The following COL5A2 variants were observed in gnomAD, a reference collection of about 807,000 sequenced individuals.
The protein encoded by COL5A2 is collagen alpha-2(V) chain.
Under a neutral mutation model 208.2 loss-of-function variants are expected in COL5A2, and 23 were observed. The observed-to-expected ratio is 0.11, with a 90% CI of 0.08 to 0.16. The LOEUF is 0.16. Ranked by LOEUF, COL5A2 falls within the 10% of genes least tolerant of loss-of-function variation. COL5A2 has a pLI of 1.00. For missense variants in COL5A2, 1,590 were observed against 1,956.4 expected (o/e 0.81, Z 3.53); for synonymous variants, 625 against 628.5 (o/e 0.99, Z 0.08).
At chr2:189,170,758 G>A (rs1334481788) in intron 1 of COL5A2, among the ~76,000 whole-genome samples, 1 of 151,902 alleles carries the variant, frequency 6.6e-6, no homozygotes, top group Non-Finnish European at 1.5e-5. Flanking sequence ...AAAAAAAAAA[G>A]TCACACAGAA....
chr2:189,262,356 T>A, the COL5A2 span, among the ~76,000 whole-genome samples: 1 of 151,762 alleles, frequency 6.6e-6, no homozygotes, highest in Non-Finnish European at 1.5e-5. Flanking sequence ...CACAGACAGA[T>A]ACACACACAT....
At chr2:189,082,625 T>C (rs1389861684) in intron 12 of COL5A2, among the ~76,000 whole-genome samples, 2 of 152,220 alleles carry the variant, frequency 1.3e-5, no homozygotes, top group Non-Finnish European at 2.9e-5. Context: ...ATATCCCTAA[T>C]GTAACAAGAA....
rs1432312580 is a variant in COL5A2, at chr2:189,064,670, A to G, written c.1618-15T>C. The G allele has an allele frequency of 1.3e-6, 2 of 1,547,552 alleles. No individual in the cohort carries two copies. The highest frequency in any genetic ancestry group is 8.9e-7 in the Non-Finnish European group (1 of 1,119,546). On this transcript the variant is annotated splice_polypyrimidine_tract_variant and intron_variant, in intron 24 of 53. Coordinates refer to ENST00000374866, the MANE Select transcript of COL5A2 (RefSeq NM_000393.5). ...CCTTGAGCACCCTGTACCGAGGCAAAGCAGATGCATGAAGAAAAAGAGTAT... is the reference window on the plus strand; with the variant it reads ...CCTTGAGCACCCTGTACCGAGGCAAGGCAGATGCATGAAGAAAAAGAGTAT...
the COL5A2 span, among the ~76,000 whole-genome samples, chr2:189,348,834 A>G: frequency 1.3e-5 from 2 of 152,162 alleles, no homozygotes; most frequent in Non-Finnish European, 2.9e-5. Context: ...ACAGATATCA[A>G]TTCACAAACA....
intron 45 of COL5A2, among the ~76,000 whole-genome samples, chr2:189,047,391 C>T (rs1317850026): frequency 6.6e-6 from 1 of 152,160 alleles, no homozygotes; most frequent in Admixed American, 6.5e-5. Context: ...CCCAAGCTTC[C>T]TCCAAATCCT....
intron 13 of COL5A2, among the ~76,000 whole-genome samples, chr2:189,080,435 C>A (rs1235644203): frequency 6.6e-6 from 1 of 152,068 alleles, no homozygotes; most frequent in Non-Finnish European, 1.5e-5. Flanking sequence ...TAATCAAAAT[C>A]TCAACTACTC....
At chr2:189,272,432 G>T in the COL5A2 span, among the ~76,000 whole-genome samples, 2 of 152,016 alleles carry the variant, frequency 1.3e-5, no homozygotes, top group East Asian at 3.9e-4. Flanking sequence ...AACACCACAT[G>T]TTCTTACTCA....
At chr2:189,099,981 C>A in intron 4 of COL5A2, 126 bp downstream of exon 4, 2 of 793,526 alleles carry the variant, frequency 2.5e-6, no homozygotes, top group South Asian at 3.3e-5. Flanking sequence ...TTGTGTTATA[C>A]TAAAAACTTG....
the COL5A2 span, among the ~76,000 whole-genome samples, chr2:189,239,453 G>C: frequency 6.6e-6 from 1 of 151,896 alleles, no homozygotes; most frequent in African/African-American, 2.4e-5. Context: ...GTGAGGGAAG[G>C]GGACATGGTA....
chr2:189,293,110 G>C, the COL5A2 span, among the ~76,000 whole-genome samples: 205 of 151,980 alleles, frequency 1.3e-3, no homozygotes, highest in Middle Eastern at 3.4e-3. Context: ...GTTGTGGGGT[G>C]GGGGGAGTGG....
intron 1 of COL5A2, among the ~76,000 whole-genome samples, chr2:189,221,623 T>C (rs1689348596): frequency 6.6e-6 from 1 of 152,102 alleles, no homozygotes; most frequent in African/African-American, 2.4e-5. Context: ...TATTATAAGA[T>C]AAGAAATGTG....
chr2:189,226,911 G>A (rs779245919), upstream of COL5A2, among the ~76,000 whole-genome samples: 4 of 152,168 alleles, frequency 2.6e-5, no homozygotes, highest in Admixed American at 6.6e-5. Flanking sequence ...TTGCTGCTCA[G>A]ATAGGATGGT....
chr2:189,277,444 T>C, the COL5A2 span, among the ~76,000 whole-genome samples: 11 of 152,168 alleles, frequency 7.2e-5, no homozygotes, highest in East Asian at 2.1e-3. Flanking sequence ...ACCTGCGAGT[T>C]CGGGTCAATC....
chr2:189,140,422 G>A (rs950874174), intron 1 of COL5A2, among the ~76,000 whole-genome samples: 1 of 151,968 alleles, frequency 6.6e-6, no homozygotes, highest in East Asian at 1.9e-4. Context: ...TTTTAAACCT[G>A]GAGGCACATT....
At chr2:189,035,274 T>C (rs1037452464) in intron 52 of COL5A2, 119 bp from the exon 53 acceptor site, 37 of 1,318,490 alleles carry the variant, frequency 2.8e-5, no homozygotes, top group Non-Finnish European at 3.7e-5. Flanking sequence ...AGTATTACTT[T>C]AATTCTTGTC....
chr2:189,103,101 T>A (rs969016700), intron 3 of COL5A2, among the ~76,000 whole-genome samples: 2 of 148,624 alleles, frequency 1.3e-5, no homozygotes, highest in South Asian at 4.4e-4. Context: ...CATAGATTGG[T>A]CTGTCTCTCT....
chr2:189,431,502 T>A, the COL5A2 span, among the ~76,000 whole-genome samples: 1 of 152,272 alleles, frequency 6.6e-6, no homozygotes, highest in East Asian at 1.9e-4. Context: ...AGACCTTAAA[T>A]GACCTGATAG....
At chr2:189,404,078 A>C in the COL5A2 span, among the ~76,000 whole-genome samples, 1 of 152,148 alleles carries the variant, frequency 6.6e-6, no homozygotes, top group Admixed American at 6.5e-5. Context: ...AGCTACCCAT[A>C]ATAATCTCTC....
intron 1 of COL5A2, among the ~76,000 whole-genome samples, chr2:189,217,650 T>A (rs1305618920): frequency 6.6e-6 from 1 of 152,162 alleles, no homozygotes; most frequent in Non-Finnish European, 1.5e-5. Context: ...CTAAGCTTGA[T>A]AAGAAAGTCT....
Sources: allele counts gnomAD v4.1 joint callset (sites outside exome capture counted in the v4.1 genomes callset), GRCh38; gene constraint gnomAD v4.1.1; transcripts MANE v1.5; gene names NCBI Gene and HGNC (gene_info 2026-07-23, HGNC 2026-07-21).